The following TENM1 variants were observed in gnomAD, a reference collection of about 807,000 sequenced individuals.
The protein encoded by TENM1 is teneurin transmembrane protein 1, also known as teneurin-1.
TENM1 carries 35 observed loss-of-function variants against 174.8 expected under a neutral mutation model. The ratio of observed to expected loss-of-function variants is 0.20; its 90% confidence interval spans 0.15 to 0.27. The LOEUF is 0.27. Ranked by LOEUF, TENM1 falls within the 10% of genes least tolerant of loss-of-function variation. TENM1 has a pLI of 1.00. For missense variants in TENM1, 1,633 were observed against 2,130.1 expected, an observed-to-expected ratio of 0.77 and a Z score of 4.59; for synonymous variants, 781 against 798.7, an observed-to-expected ratio of 0.98 and a Z score of 0.37.
At chrX:124,524,665 T>C (rs2047932977) in intron 16 of TENM1, among the ~76,000 whole-genome samples, 1 of 111,689 alleles carries the variant, frequency 9.0e-6, no homozygotes, top group East Asian at 2.8e-4. Flanking sequence ...ACTCCTTCTC[T>C]ATCCATGACA....
At chrX:125,087,487 A>C in the TENM1 span, among the ~76,000 whole-genome samples, 3 of 111,166 alleles carry the variant, frequency 2.7e-5, no homozygotes, top group Non-Finnish European at 3.8e-5. Flanking sequence ...TAGATGAAAG[A>C]TGAGTAAAAA....
chrX:124,765,493 C>A (rs754638744), intron 3 of TENM1, among the ~76,000 whole-genome samples: 3 of 112,095 alleles, frequency 2.7e-5, no homozygotes, highest in Non-Finnish European at 5.6e-5. Flanking sequence ...CCAGACAAGT[C>A]ATCCTCAAAT....
chrX:125,145,926 C>T, the TENM1 span, among the ~76,000 whole-genome samples: 1 of 111,752 alleles, frequency 8.9e-6, no homozygotes, highest in Non-Finnish European at 1.9e-5. Flanking sequence ...ACTTTTATAC[C>T]CAGAGACCTT....
At chrX:124,656,196 C>G (rs1452827227) in intron 6 of TENM1, among the ~76,000 whole-genome samples, 1 of 112,412 alleles carries the variant, frequency 8.9e-6, no homozygotes, top group East Asian at 2.8e-4. Context: ...CTGAACAAAA[C>G]TGGTTGATGG....
chrX:124,752,968 C>A (rs757932969), intron 3 of TENM1, among the ~76,000 whole-genome samples: 1 of 110,817 alleles, frequency 9.0e-6, no homozygotes, highest in Non-Finnish European at 1.9e-5. Context: ...ATTGACTTGG[C>A]GATGCGGGCT....
intron 23 of TENM1, among the ~76,000 whole-genome samples, chrX:124,447,490 G>A (rs755144397): frequency 4.5e-5 from 5 of 111,589 alleles, no homozygotes; most frequent in South Asian, 3.8e-4. Context: ...TCTATTTTCC[G>A]TTTCTCCATT....
chrX:124,422,699 C>A, intron 23 of TENM1, 61 bp from the exon 27 acceptor site: 1 of 1,102,905 alleles, frequency 9.1e-7, no homozygotes, highest in Admixed American at 2.9e-5. Flanking sequence ...ACAGTTTTAA[C>A]TTGAAAAAAA....
chrX:124,561,861 G>A, intron 13 of TENM1, 44 bp from the exon 17 acceptor site: 1 of 1,170,417 alleles, frequency 8.5e-7, no homozygotes, highest in African/African-American at 1.8e-5. Context: ...ACATCAGAAT[G>A]GGATTGGCCA....
chrX:124,402,028 G>C (rs2060406256), intron 27 of TENM1, among the ~76,000 whole-genome samples: 1 of 112,157 alleles, frequency 8.9e-6, no homozygotes, highest in South Asian at 3.7e-4. Context: ...GAACAAGGCA[G>C]CACAGTGTGA....
chrX:124,819,729 A>T (rs1355861482), intron 3 of TENM1, among the ~76,000 whole-genome samples: 1 of 110,631 alleles, frequency 9.0e-6, no homozygotes, highest in East Asian at 2.8e-4. Flanking sequence ...AAGCTCCAAG[A>T]TTTTTAATTA....
the TENM1 span, among the ~76,000 whole-genome samples, chrX:125,106,281 C>T: frequency 8.9e-6 from 1 of 112,309 alleles, no homozygotes; most frequent in African/African-American, 3.2e-5. Flanking sequence ...TGTATATTAT[C>T]TGTCTCCACC....
the TENM1 span, among the ~76,000 whole-genome samples, chrX:125,116,318 T>C: frequency 5.4e-5 from 6 of 112,020 alleles, no homozygotes; most frequent in East Asian, 1.1e-3. Context: ...ATTCAGGACA[T>C]AGGCATGGAC....
intron 4 of TENM1, among the ~76,000 whole-genome samples, chrX:124,731,319 T>G (rs764119049): frequency 8.9e-6 from 1 of 112,163 alleles, no homozygotes; most frequent in Non-Finnish European, 1.9e-5. Flanking sequence ...TGAAAAAGAA[T>G]GATGATAGAC....
At chrX:124,712,534 T>G (rs1389547886) in intron 4 of TENM1, among the ~76,000 whole-genome samples, 2 of 110,992 alleles carry the variant, frequency 1.8e-5, no homozygotes, top group Non-Finnish European at 3.8e-5. Context: ...CAGGCTGGAG[T>G]GCAGTGGCAC....
At chrX:124,657,455 A>C (rs1478491490) in intron 6 of TENM1, among the ~76,000 whole-genome samples, 2 of 111,459 alleles carry the variant, frequency 1.8e-5, no homozygotes, top group African/African-American at 6.5e-5. Context: ...GGTGAAAAAA[A>C]AAGGGGCCTG....
chrX:124,771,344 A>G (rs1361103175), intron 3 of TENM1, among the ~76,000 whole-genome samples: 1 of 112,577 alleles, frequency 8.9e-6, no homozygotes, highest in Non-Finnish European at 1.9e-5. Flanking sequence ...AGTTTCATTA[A>G]ACATTAAAAT....
chrX:125,104,252 T>C, the TENM1 span, among the ~76,000 whole-genome samples: 1 of 111,812 alleles, frequency 8.9e-6, no homozygotes, highest in African/African-American at 3.3e-5. Flanking sequence ...TTCCTCTCAA[T>C]ACTTTTGTGG....
chrX:125,007,877 G>A, the TENM1 span, among the ~76,000 whole-genome samples: 1 of 111,547 alleles, frequency 9.0e-6, no homozygotes, highest in Non-Finnish European at 1.9e-5. Flanking sequence ...AGCTCCTGAA[G>A]GAAGCACTAA....
chrX:124,584,953 T>C (rs2049453619), intron 11 of TENM1, among the ~76,000 whole-genome samples: 1 of 109,612 alleles, frequency 9.1e-6, no homozygotes, highest in Non-Finnish European at 1.9e-5. Context: ...CATTACATAA[T>C]GGTAAAGGGA....
Sources: gnomAD v4.1 joint callset for allele counts (sites outside exome capture counted in the v4.1 genomes callset) on GRCh38, gnomAD v4.1.1 for gene constraint, MANE v1.5 for transcripts, NCBI Gene and HGNC (gene_info 2026-07-23, HGNC 2026-07-21) for gene names.